Variants in COL21A1 observed in about 807,000 individuals in gnomAD.
COL21A1 encodes collagen type XXI alpha 1 chain.
COL21A1 carries 149 observed loss-of-function variants against 137.9 expected under a neutral mutation model. That is an observed-to-expected ratio of 1.08 (90% CI 0.95 to 1.24). The LOEUF (loss-of-function observed/expected upper bound fraction) is 1.24, where lower values mean the gene tolerates loss of function less well. Among genes scored for constraint, COL21A1 ranks in the 50% most tolerant of loss-of-function variants. The pLI, the probability that COL21A1 is intolerant of heterozygous loss-of-function variation, is 0.00. For synonymous variants in COL21A1, 456 were observed against 391.5 expected, an observed-to-expected ratio of 1.16 and a Z score of -1.95; for missense variants, 1,167 against 1,158.4, an observed-to-expected ratio of 1.01 and a Z score of -0.11.
intron 27 of COL21A1, 120 bp downstream of exon 27, chr6:56,060,621 C>G: frequency 1.5e-6 from 1 of 664,618 alleles, no homozygotes; most frequent in Non-Finnish European, 2.4e-6. Context: ...GTAGATGAGG[C>G]TTATAAATGT....
intron 10 of COL21A1, among the ~76,000 whole-genome samples, chr6:56,155,795 G>A (rs1036781900): frequency 6.6e-6 from 1 of 152,002 alleles, no homozygotes; most frequent in African/African-American, 2.4e-5. Flanking sequence ...TAGAGATGGG[G>A]TTTCACCAAG....
chr6:56,135,187 C>A (rs1273143528), intron 12 of COL21A1, among the ~76,000 whole-genome samples: 1 of 151,728 alleles, frequency 6.6e-6, no homozygotes, highest in Admixed American at 6.6e-5. Context: ...ATTCCAAAAA[C>A]CAAGTAAAAA....
intron 12 of COL21A1, among the ~76,000 whole-genome samples, chr6:56,131,939 T>C (rs993447191): frequency 6.6e-6 from 1 of 152,048 alleles, no homozygotes; most frequent in Non-Finnish European, 1.5e-5. Context: ...CCAACAAATT[T>C]AGACAAATAT....
intron 1 of COL21A1, among the ~76,000 whole-genome samples, chr6:56,334,579 C>T (rs1765298091): frequency 6.6e-6 from 1 of 152,122 alleles, no homozygotes; most frequent in Admixed American, 6.6e-5. Context: ...GCATGGCCAG[C>T]AAGAGGCTTG....
intron 17 of COL21A1, among the ~76,000 whole-genome samples, chr6:56,090,863 A>G (rs1768743846): frequency 6.6e-6 from 1 of 152,144 alleles, no homozygotes; most frequent in African/African-American, 2.4e-5. Context: ...ATGAGTTTCA[A>G]GTTAAAGTTG....
intron 1 of COL21A1, among the ~76,000 whole-genome samples, chr6:56,278,136 AG>A (rs1276217338): frequency 6.6e-6 from 1 of 152,242 alleles, no homozygotes; most frequent in African/African-American, 2.4e-5. Context: ...CAAACACAGA[AG>A]TAAACAAGTG....
intron 12 of COL21A1, among the ~76,000 whole-genome samples, chr6:56,136,989 A>G (rs1001191649): frequency 6.6e-6 from 1 of 152,114 alleles, no homozygotes; most frequent in African/African-American, 2.4e-5. Context: ...CAGGCAGTAG[A>G]CTAAAAGAAG....
intron 1 of COL21A1, among the ~76,000 whole-genome samples, chr6:56,365,974 T>C (rs1229503695): frequency 6.6e-6 from 1 of 152,242 alleles, no homozygotes; most frequent in South Asian, 2.1e-4. Flanking sequence ...TCCTGGCTTT[T>C]TTGGAAAACC....
At chr6:56,139,274 ACC>A (rs1488918409) in intron 12 of COL21A1, among the ~76,000 whole-genome samples, 1 of 152,190 alleles carries the variant, frequency 6.6e-6, no homozygotes, top group Non-Finnish European at 1.5e-5. Flanking sequence ...ATTTAGGCCA[ACC>A]ACATGCATGT....
intron 12 of COL21A1, among the ~76,000 whole-genome samples, chr6:56,136,738 GAT>G (rs1435624605): frequency 6.6e-6 from 1 of 152,070 alleles, no homozygotes; most frequent in Non-Finnish European, 1.5e-5. Context: ...CAGTAGCACA[GAT>G]ATATAATTTT....
Position 56,182,598 on chromosome 6 carries a change from A to C in COL21A1, c.21T>G (p.Phe7Leu), listed in dbSNP as rs917862044. 5 of 1,603,990 alleles carry C rather than the reference A, an allele frequency of 3.1e-6. No homozygotes were observed. The highest frequency in any genetic ancestry group is 3.4e-5 in the Admixed American group (2 of 58,806). The change falls in exon 2 of 30, where the codon TTT becomes TTG. Residue 7 changes from phenylalanine to leucine, a missense_variant. By Grantham distance (22) the Phe-to-Leu change is conservative (BLOSUM62 0). Coordinates refer to ENST00000244728, the MANE Select transcript of COL21A1 (RefSeq NM_030820.4). ...GAAGCAGCACCAAAACCATGCAGAGAAATGTAATATAGTGAGCCATGTTTC... is the reference window on the plus strand; with the variant it reads ...GAAGCAGCACCAAAACCATGCAGAGCAATGTAATATAGTGAGCCATGTTTC... MAHYIT[F>L]LCMVLVLLLQ... is the part of the protein sequence containing the mutation.
chr6:56,142,083 C>A (rs1774460444), intron 10 of COL21A1, 100 bp from the exon 11 acceptor site: 1 of 842,604 alleles, frequency 1.2e-6, no homozygotes, highest in Non-Finnish European at 1.8e-6. Context: ...TTTCTCATGC[C>A]TAAAACTTCA....
chr6:56,175,437 T>C (rs1777390183), intron 3 of COL21A1, among the ~76,000 whole-genome samples: 1 of 152,066 alleles, frequency 6.6e-6, no homozygotes, highest in South Asian at 2.1e-4. Flanking sequence ...AAGAAACCAA[T>C]TAAGCAAATT....
At chr6:56,321,102 A>G (rs1268263797) in intron 1 of COL21A1, among the ~76,000 whole-genome samples, 1 of 152,196 alleles carries the variant, frequency 6.6e-6, no homozygotes, top group Non-Finnish European at 1.5e-5. Context: ...GAAATTGCAG[A>G]GCTTCTAATT....
chr6:56,248,487 T>G (rs1008813263), upstream of COL21A1, among the ~76,000 whole-genome samples: 1 of 152,344 alleles, frequency 6.6e-6, no homozygotes, highest in South Asian at 2.1e-4. Flanking sequence ...ACAGATCACT[T>G]ATTGCTATCT....
chr6:56,338,137 AT>A (rs1765377340), intron 1 of COL21A1, among the ~76,000 whole-genome samples: 1 of 150,852 alleles, frequency 6.6e-6, no homozygotes, highest in Non-Finnish European at 1.5e-5. Context: ...TAATTTTTGT[AT>A]TTTTTTAGTA....
chr6:56,362,312 C>T (rs1443087257), intron 1 of COL21A1, among the ~76,000 whole-genome samples: 1 of 152,006 alleles, frequency 6.6e-6, no homozygotes, highest in Non-Finnish European at 1.5e-5. Context: ...CTATGAGTGC[C>T]TTAAGTTTTC....
intron 22 of COL21A1, chr6:56,068,779 G>A (rs1562145422): frequency 3.9e-6 from 1 of 259,018 alleles, no homozygotes; most frequent in Non-Finnish European, 7.2e-6. Flanking sequence ...TGAATTTACA[G>A]GATATTACTT....
intron 1 of COL21A1, among the ~76,000 whole-genome samples, chr6:56,261,472 T>C (rs537193957): frequency 1.2e-4 from 19 of 152,234 alleles, no homozygotes; most frequent in African/African-American, 4.6e-4. Context: ...ATGAATGGGA[T>C]TAGTGCCCAC....
Sources: gnomAD v4.1 joint callset for allele counts (sites outside exome capture counted in the v4.1 genomes callset) on GRCh38, gnomAD v4.1.1 for gene constraint, MANE v1.5 for transcripts, NCBI Gene and HGNC (gene_info 2026-07-23, HGNC 2026-07-21) for gene names.